Variants in SBF1 observed in about 807,000 individuals in gnomAD.
The protein encoded by SBF1 is myotubularin-related protein 5.
Under a neutral mutation model 215.8 loss-of-function variants are expected in SBF1, and 65 were observed. That is an observed-to-expected ratio of 0.30 (90% CI 0.25 to 0.37). SBF1 has a LOEUF of 0.37. Ranked by LOEUF, SBF1 falls within the 10% of genes least tolerant of loss-of-function variation. The pLI, the probability that SBF1 is intolerant of heterozygous loss-of-function variation, is 1.00. For missense variants in SBF1, 2,634 were observed against 2,667.8 expected (o/e 0.99, Z 0.28); for synonymous variants, 1,410 against 1,122.8 (o/e 1.26, Z -5.11).
At chr22:50,454,450 C>T in intron 36 of SBF1, 62 bp downstream of exon 36, 2 of 1,427,044 alleles carry the variant, frequency 1.4e-6, no homozygotes, top group South Asian at 1.1e-5. Context: ...CACGCACGAC[C>T]CTGGTGTCTG....
intron 28 of SBF1, 105 bp downstream of exon 28, chr22:50,459,150 A>C: frequency 6.9e-7 from 1 of 1,440,424 alleles, no homozygotes; most frequent in Non-Finnish European, 9.3e-7. Flanking sequence ...AACATCCATG[A>C]CCAGCGCCGT....
Position 50,448,569 on chromosome 22 carries a change from G to C in SBF1, c.5125C>G (p.Arg1709Gly). The C allele has an allele frequency of 6.2e-7, 1 of 1,612,006 alleles. No individual in the cohort carries two copies. The highest frequency in any genetic ancestry group is 8.5e-7 in the Non-Finnish European group (1 of 1,179,936). The part of the protein sequence containing the change: ...DTWDRVKAAQ[R>G]LEGRPDGRGT... ...CGGCCGTCTGGCCGGCCCTCGAGGC[G>C]CTGTGCAGCCTTCACCCGGTCCCAG... The change falls in exon 37 of 41, where the codon CGC (arginine) becomes GGC (glycine). Residue 1709 changes from arginine to glycine, a missense_variant. Transcript: ENST00000380817.
chr22:50,455,604 G>C (rs1490502929), intron 31 of SBF1, 22 bp from the exon 32 acceptor site: 3 of 1,549,466 alleles, frequency 1.9e-6, no homozygotes, highest in Non-Finnish European at 2.6e-6. Context: ...GGCGGCCTCA[G>C]CACCTCGGGG....
At chr22:50,452,300 T>C (rs543909928) in intron 36 of SBF1, among the ~76,000 whole-genome samples, 1 of 152,332 alleles carries the variant, frequency 6.6e-6, no homozygotes, top group Non-Finnish European at 1.5e-5. Context: ...TTAAAAATTC[T>C]TCAGGCTGAA....
chr22:50,461,767 C>T, intron 21 of SBF1, 29 bp downstream of exon 21: 2 of 1,611,452 alleles, frequency 1.2e-6, no homozygotes, highest in South Asian at 1.1e-5. Context: ...GGGCCTTGGG[C>T]CCCCGCAGCC....
chr22:50,462,072 T>A lies in SBF1; in HGVS notation c.2444A>T (p.Glu815Val), dbSNP rs1353498552. 1 of 1,614,054 alleles carries A rather than the reference T, an allele frequency of 6.2e-7. No homozygotes were observed. Among genetic ancestry groups the A allele is most frequent in the Non-Finnish European group, 8.5e-7 (1 of 1,180,032 alleles). ...AESYDTESGF[E>V]DAETCDVAGA... ...AGCTACGTCGCAGGTCTCTGCATCC[T>A]CGAAGCCGCTCTCCGTGTCATAGCT... Residue 815 changes from glutamate to valine, a missense_variant, in exon 20 of 41, where the codon GAG becomes GTG. Physicochemically the swap from Glu to Val is moderately radical, Grantham distance 121. Coordinates refer to ENST00000380817, the MANE Select transcript of SBF1 (RefSeq NM_002972.4).
At chr22:50,465,710 G>A in intron 10 of SBF1, 53 bp downstream of exon 10, 2 of 1,502,128 alleles carry the variant, frequency 1.3e-6, no homozygotes, top group South Asian at 1.2e-5. Context: ...AGACCTGAGT[G>A]GGGGCAGCCT....
chr22:50,462,829 G>C (rs1228849338), intron 17 of SBF1, 41 bp downstream of exon 17: 11 of 1,604,354 alleles, frequency 6.9e-6, no homozygotes, highest in Non-Finnish European at 9.4e-6. Flanking sequence ...CCACCAGGAA[G>C]GGGGGGCTGG....
Position 50,447,577 on chromosome 22 carries a change from GCC to G in SBF1, c.5394_5395del (p.Ala1799LeufsTer53), listed in dbSNP as rs1234122324. 3 of 1,612,652 alleles carry G rather than the reference GCC, an allele frequency of 1.9e-6. No homozygotes were observed. The highest frequency in any genetic ancestry group is 2.5e-6 in the Non-Finnish European group (3 of 1,179,776). On this transcript the variant is annotated frameshift_variant, in exon 39 of 41. Transcript: ENST00000380817. LOFTEE classifies it high-confidence loss of function. Reference sequence around the variant, plus strand: ...GCGGGCCTTCCAAGGCTTCATGAAGGCCCCCTTCTTGTACAGAGTGCCCTCGT... The same window carrying G: ...GCGGGCCTTCCAAGGCTTCATGAAGGCCCTTCTTGTACAGAGTGCCCTCGT...
Position 50,455,292 on chromosome 22 carries a change from G to C in SBF1, c.4486C>G (p.His1496Asp), listed in dbSNP as rs370680237. ...FGHRFSHRGAHTLAGQSSGFT... is the reference protein window; with the variant it reads ...FGHRFSHRGADTLAGQSSGFT... ...CCGCTGCTCTGCCCGGCCAGGGTGT[G>C]AGCTCCACGGTGGCTGAAGCGATGG... is the stretch of plus-strand genomic sequence containing the variant. Residue 1496 changes from histidine (H) to aspartate (D), a missense_variant, in exon 33 of 41, where the codon CAC (histidine) becomes GAC (aspartate). By Grantham distance (81) the His-to-Asp change is moderately conservative (BLOSUM62 -1). Coordinates refer to ENST00000380817, the MANE Select transcript of SBF1 (RefSeq NM_002972.4). 3.7e-6 allele frequency: 6 copies of C among 1,613,374 alleles called. No homozygotes were observed. Among genetic ancestry groups the C allele is most frequent in the Non-Finnish European group, 3.4e-6 (4 of 1,179,924 alleles).
chr22:50,473,918 C>T (rs553637157), intron 1 of SBF1, among the ~76,000 whole-genome samples: 1 of 152,358 alleles, frequency 6.6e-6, no homozygotes, highest in Admixed American at 6.5e-5. Context: ...CAGGGCAACC[C>T]CGGTGGGCTG....
chr22:50,473,630 G>C (rs1025680148), intron 1 of SBF1, among the ~76,000 whole-genome samples: 1 of 152,134 alleles, frequency 6.6e-6, no homozygotes, highest in Non-Finnish European at 1.5e-5. Flanking sequence ...GTGTAGGGGG[G>C]TGTCCAGCAG....
intron 28 of SBF1, among the ~76,000 whole-genome samples, chr22:50,458,255 A>C (rs1246081826): frequency 1.3e-5 from 2 of 149,092 alleles, no homozygotes; most frequent in Non-Finnish European, 3.0e-5. Context: ...CAGTGAGCCG[A>C]GATCGCACCA....
Position 50,461,930 on chromosome 22 carries a change from A to C in SBF1, c.2569+17T>G. The C allele has an allele frequency of 1.9e-6, 3 of 1,613,906 alleles. No individual in the cohort carries two copies. Among genetic ancestry groups the C allele is most frequent in the Non-Finnish European group, 2.5e-6 (3 of 1,179,790 alleles). ...CCCACCCATCCAAGGGGGAATCACC[A>C]GCCCAAACCCCCGTACCTGGCACCA... On this transcript the variant is annotated intron_variant, in intron 20 of 40. Transcript: ENST00000380817.
chr22:50,456,459 A>ACCCC, intron 30 of SBF1, 33 bp downstream of exon 30: 1 of 622,608 alleles, frequency 1.6e-6, no homozygotes, highest in Non-Finnish European at 2.4e-6. Context: ...CCGAGCCCCC[A>ACCCC]CCCTCACCCC....
chr22:50,456,307 AGCT>A lies in SBF1; in HGVS notation c.4172_4174del (p.Lys1391_Leu1392delinsMet). Reference sequence around the variant, plus strand: ...GCAGCCTGGGACACATGCTTTCAGCAGCTTCTTGAAGCTAGCCTTCACCTGCCG... The same window carrying A: ...GCAGCCTGGGACACATGCTTTCAGCATCTTGAAGCTAGCCTTCACCTGCCG... On this transcript the variant is annotated inframe_deletion, in exon 31 of 41. Transcript: ENST00000380817. 6.2e-7 allele frequency: 1 copy of A among 1,612,994 alleles called. No homozygotes were observed. The highest frequency in any genetic ancestry group is 8.5e-7 in the Non-Finnish European group (1 of 1,179,976).
rs145443464 is a variant in SBF1, at chr22:50,446,717, G to A, written c.*425C>T. ...CTCACGAGAAAGATGCCAACCTCCCGCCAGGTGGGCCTGGATAGGGGCAGA... is the reference window on the plus strand; with the variant it reads ...CTCACGAGAAAGATGCCAACCTCCCACCAGGTGGGCCTGGATAGGGGCAGA... On this transcript the variant is annotated 3_prime_UTR_variant, in exon 41 of 41. Coordinates refer to ENST00000380817, the MANE Select transcript of SBF1 (RefSeq NM_002972.4). 1.8e-4 allele frequency: 78 copies of A among 422,422 alleles called. No homozygotes were observed. The highest frequency in any genetic ancestry group is 1.1e-3 in the African/African-American group (53 of 49,498). The allele number at this position is 422,422 out of a possible 1,614,324, so 26.2% of individuals were successfully genotyped here.
At position 50,446,362 on chromosome 22, in the gene SBF1, C is replaced by CA. The variant is rs1416869593; in HGVS notation, c.*779_*780insT. 2.0e-5 allele frequency: 2 copies of CA among 102,388 alleles called. No homozygotes were observed. The highest frequency in any genetic ancestry group is 8.5e-5 in the African/African-American group (2 of 23,406). 6.3% of individuals were successfully genotyped at this position (102,388 alleles called of 1,614,324 possible). A position where few individuals can be genotyped will look rare whatever the true frequency, so the allele number is the denominator to read the frequency against. ...TTCCCCTGGGAGCCCACTGTCCCCC[C>CA]CCCCCCCCCGCCTCCGGCCTCCATC... On this transcript the variant is annotated 3_prime_UTR_variant, in exon 41 of 41. Transcript: ENST00000380817.
At chr22:50,470,765 A>G (rs1473724944) in intron 1 of SBF1, among the ~76,000 whole-genome samples, 3 of 152,088 alleles carry the variant, frequency 2.0e-5, no homozygotes, top group Admixed American at 2.0e-4. Flanking sequence ...CCCACACCCA[A>G]CAAGCAAACA....
Sources: gnomAD v4.1 joint callset for allele counts (sites outside exome capture counted in the v4.1 genomes callset) on GRCh38, gnomAD v4.1.1 for gene constraint, MANE v1.5 for transcripts, NCBI Gene and HGNC (gene_info 2026-07-23, HGNC 2026-07-21) for gene names.